ZFPM2: variants seen among roughly 807,000 people sequenced by gnomAD.
ZFPM2 encodes the protein zinc finger protein, FOG family member 2.
Under a neutral mutation model 98.6 loss-of-function variants are expected in ZFPM2, and 20 were observed. The observed-to-expected ratio is 0.20, with a 90% CI of 0.14 to 0.29. The LOEUF is 0.29. ZFPM2 is among the 10% of genes least tolerant of loss of function. The pLI is 1.00. For synonymous variants in ZFPM2, 518 were observed against 502.7 expected, an observed-to-expected ratio of 1.03 and a Z score of -0.41; for missense variants, 1,310 against 1,388.6, an observed-to-expected ratio of 0.94 and a Z score of 0.90.
rs6991211 is a variant in ZFPM2, at chr8:105,803,628, C to G, written c.*90C>G. ...AAAAAATAAGCTGTTTGAATTACATCTGGGCAATCAGGAGATAATTCATTA... is the reference window on the plus strand; with the variant it reads ...AAAAAATAAGCTGTTTGAATTACATGTGGGCAATCAGGAGATAATTCATTA... On this transcript the variant is annotated 3_prime_UTR_variant, in exon 8 of 8. Coordinates refer to ENST00000407775, the MANE Select transcript of ZFPM2 (RefSeq NM_012082.4). 54,171 of 1,289,818 alleles carry G rather than the reference C, an allele frequency of 0.042. 4,488 individuals are homozygous for G. The highest frequency in any genetic ancestry group is 0.33 in the African/African-American group (22,488 of 67,336). The allele number at this position is 1,289,818 out of a possible 1,614,324, so 79.9% of individuals were successfully genotyped here. A position where few individuals can be genotyped will look rare whatever the true frequency, so the allele number is the denominator to read the frequency against.
At chr8:105,709,825 A>C (rs1811339337) in intron 5 of ZFPM2, among the ~76,000 whole-genome samples, 1 of 151,880 alleles carries the variant, frequency 6.6e-6, no homozygotes, top group Non-Finnish European at 1.5e-5. Context: ...GAAATGTGAA[A>C]CTCTCTTCTA....
intron 2 of ZFPM2, among the ~76,000 whole-genome samples, chr8:105,422,002 G>A (rs1456697899): frequency 2.3e-5 from 3 of 127,820 alleles, no homozygotes; most frequent in African/African-American, 3.1e-5. Context: ...AGTTGAGATC[G>A]CACCACCGCA....
chr8:105,732,235 C>T (rs1489181555), intron 5 of ZFPM2, among the ~76,000 whole-genome samples: 1 of 151,750 alleles, frequency 6.6e-6, no homozygotes, highest in Non-Finnish European at 1.5e-5. Flanking sequence ...AACAACAAGA[C>T]AAAAACTTCT....
intron 3 of ZFPM2, among the ~76,000 whole-genome samples, chr8:105,476,917 G>T (rs915626062): frequency 6.6e-6 from 1 of 151,988 alleles, no homozygotes; most frequent in African/African-American, 2.4e-5. Flanking sequence ...AGGCTTTTTC[G>T]TATTCAATCC....
At chr8:105,530,171 A>G (rs1403860117) in intron 3 of ZFPM2, among the ~76,000 whole-genome samples, 2 of 152,116 alleles carry the variant, frequency 1.3e-5, no homozygotes, top group African/African-American at 2.4e-5. Flanking sequence ...GCTATAAAGG[A>G]GGTGTGCTGA....
chr8:105,419,823 A>T (rs1811757079), intron 2 of ZFPM2, among the ~76,000 whole-genome samples: 1 of 151,836 alleles, frequency 6.6e-6, no homozygotes. Flanking sequence ...TCCATTCTAG[A>T]TACTTTTTTG....
intron 5 of ZFPM2, among the ~76,000 whole-genome samples, chr8:105,776,206 T>A (rs1200697867): frequency 1.3e-5 from 2 of 152,082 alleles, no homozygotes; most frequent in African/African-American, 4.8e-5. Context: ...GTTTAGGGAA[T>A]GCACCGGTTT....
chr8:105,487,395 A>C (rs1813250839), intron 3 of ZFPM2, among the ~76,000 whole-genome samples: 2 of 152,198 alleles, frequency 1.3e-5, no homozygotes, highest in Admixed American at 1.3e-4. Flanking sequence ...TTGGGATTAC[A>C]GGTGTGAGCC....
intron 4 of ZFPM2, among the ~76,000 whole-genome samples, chr8:105,598,638 A>G (rs1816023962): frequency 6.6e-6 from 1 of 152,128 alleles, no homozygotes; most frequent in Non-Finnish European, 1.5e-5. Flanking sequence ...TCTCACGTTA[A>G]ATAAACTAGT....
intron 6 of ZFPM2, among the ~76,000 whole-genome samples, chr8:105,791,704 T>G (rs1370063335): frequency 1.3e-5 from 2 of 152,232 alleles, no homozygotes; most frequent in Non-Finnish European, 2.9e-5. Flanking sequence ...AATTCGGCTA[T>G]GAATCCATCT....
chr8:105,459,295 G>C (rs947758484), intron 3 of ZFPM2, among the ~76,000 whole-genome samples: 6 of 152,148 alleles, frequency 3.9e-5, no homozygotes, highest in African/African-American at 1.4e-4. Context: ...ATAGGAACCA[G>C]AACCTTCCAA....
At chr8:105,730,776 C>CTTTTTTTTTTTTT (rs201573898) in intron 5 of ZFPM2, among the ~76,000 whole-genome samples, 5 of 124,372 alleles carry the variant, frequency 4.0e-5, no homozygotes, top group Non-Finnish European at 6.6e-5. Context: ...TTTCTTTTTT[C>CTTTTTTTTTTTTT]TTTTTTTTTT....
At chr8:105,703,320 C>T (rs1811180712) in intron 5 of ZFPM2, among the ~76,000 whole-genome samples, 1 of 151,974 alleles carries the variant, frequency 6.6e-6, no homozygotes, top group Non-Finnish European at 1.5e-5. Flanking sequence ...TCTTTATATA[C>T]TGAGGTAAAT....
intron 5 of ZFPM2, among the ~76,000 whole-genome samples, chr8:105,765,528 T>C (rs1812836521): frequency 6.6e-6 from 1 of 151,820 alleles, no homozygotes; most frequent in Non-Finnish European, 1.5e-5. Context: ...TTTACTTCTC[T>C]AATGAAGCTT....
At chr8:105,566,496 A>G (rs1436641651) in intron 4 of ZFPM2, among the ~76,000 whole-genome samples, 1 of 152,208 alleles carries the variant, frequency 6.6e-6, no homozygotes, top group Admixed American at 6.6e-5. Flanking sequence ...TAGAACATCT[A>G]TGTTTATATG....
At chr8:105,671,627 C>T (rs750523974) in intron 5 of ZFPM2, among the ~76,000 whole-genome samples, 3 of 151,966 alleles carry the variant, frequency 2.0e-5, no homozygotes, top group Non-Finnish European at 4.4e-5. Context: ...AAAGATCATT[C>T]ATTTGGACAT....
rs529244196 is a variant in ZFPM2, at chr8:105,693,347, CG to C, written c.532+58992del. Reference sequence around the variant, plus strand: ...TGGTGCAGGCTATTCCGCAGCTTGTCGGCAACTCGCGTTGGGACTTCTGACA... The same window carrying C: ...TGGTGCAGGCTATTCCGCAGCTTGTCGCAACTCGCGTTGGGACTTCTGACA... On this transcript the variant is annotated intron_variant, in intron 5 of 7. Coordinates refer to ENST00000407775, the MANE Select transcript of ZFPM2 (RefSeq NM_012082.4). Among the ~76,000 whole-genome samples the C allele has an allele frequency of 1.4e-4, 22 of 152,218 alleles. No homozygotes were observed. The South Asian group carries it at 4.4e-3, about 30-fold the overall frequency.
intron 3 of ZFPM2, among the ~76,000 whole-genome samples, chr8:105,549,562 T>TTCCTTCCTCCCTTC (rs1563713795): frequency 1.0e-5 from 1 of 97,256 alleles, no homozygotes; most frequent in Non-Finnish European, 2.1e-5. Context: ...TTCCTTCCTT[T>TTCCTTCCTCCCTTC]CTTCCTTCCA....
rs1563522676 is a variant in ZFPM2 at position 105,690,361 on chromosome 8, C to A, written c.532+56004C>A. On this transcript the variant is annotated intron_variant, in intron 5 of 7. Transcript: ENST00000407775. ...CAGTGCTGTTATCGTTCTCACTTAA[C>A]AATTGAGGAAACAGATTTAGCTGGC... Among the ~76,000 whole-genome samples, 3 of 152,276 alleles carry A rather than the reference C, an allele frequency of 2.0e-5. No homozygotes were observed. The South Asian group carries it at 6.2e-4, about 32-fold the overall frequency.
Sources: gnomAD v4.1 joint callset for allele counts (sites outside exome capture counted in the v4.1 genomes callset) on GRCh38, gnomAD v4.1.1 for gene constraint, MANE v1.5 for transcripts, NCBI Gene and HGNC (gene_info 2026-07-23, HGNC 2026-07-21) for gene names.